Variants in MACROD2 observed in about 807,000 individuals in gnomAD.
MACROD2 encodes the protein ADP-ribose glycohydrolase MACROD2.
In MACROD2, 36 loss-of-function variants were observed where a neutral mutation model predicts 70.4. The observed-to-expected ratio is 0.51, with a 90% confidence interval of 0.39 to 0.68. The LOEUF (loss-of-function observed/expected upper bound fraction) is 0.68, where lower values mean the gene tolerates loss of function less well. MACROD2 is among the 30% of genes least tolerant of loss of function. The pLI is 0.00. For missense variants in MACROD2, 496 were observed against 538.4 expected (o/e 0.92, Z 0.78); for synonymous variants, 172 against 178.8 (o/e 0.96, Z 0.30).
At chr20:15,720,498 A>G (rs537859563) in intron 8 of MACROD2, among the ~76,000 whole-genome samples, 6 of 152,206 alleles carry the variant, frequency 3.9e-5, no homozygotes, top group Non-Finnish European at 2.9e-5. Flanking sequence ...CCAGGGTTTC[A>G]ATTGATAGAA....
At chr20:14,142,628 T>G (rs939040173) in intron 3 of MACROD2, among the ~76,000 whole-genome samples, 1 of 152,204 alleles carries the variant, frequency 6.6e-6, no homozygotes, top group African/African-American at 2.4e-5. Context: ...ATTGATTGCT[T>G]TAAAAAATTT....
chr20:15,599,249 G>A (rs570421055), intron 8 of MACROD2, among the ~76,000 whole-genome samples: 17 of 151,972 alleles, frequency 1.1e-4, no homozygotes, highest in East Asian at 7.7e-4. Context: ...AAAATTAGCC[G>A]GGCATGGTGG....
chr20:14,268,261 T>C (rs1308170270), intron 3 of MACROD2, among the ~76,000 whole-genome samples: 2 of 152,134 alleles, frequency 1.3e-5, no homozygotes, highest in Admixed American at 1.3e-4. Context: ...CTGACACTGA[T>C]TCTTCAGTAT....
intron 5 of MACROD2, among the ~76,000 whole-genome samples, chr20:14,878,826 G>A (rs2073579306): frequency 6.6e-6 from 1 of 152,040 alleles, no homozygotes; most frequent in Admixed American, 6.6e-5. Flanking sequence ...CACTCTTCCA[G>A]TTCAAAGGCC....
intron 5 of MACROD2, among the ~76,000 whole-genome samples, chr20:14,831,624 A>G (rs941506919): frequency 6.6e-6 from 1 of 151,504 alleles, no homozygotes; most frequent in African/African-American, 2.4e-5. Context: ...ACTAAAAAAT[A>G]CAAACAATAG....
At chr20:15,739,429 C>A (rs1006100853) in intron 8 of MACROD2, among the ~76,000 whole-genome samples, 1 of 152,038 alleles carries the variant, frequency 6.6e-6, no homozygotes, top group African/African-American at 2.4e-5. Flanking sequence ...CAGACTCAGG[C>A]CACATTTAAA....
chr20:14,725,990 C>A (rs1421575663), intron 5 of MACROD2, among the ~76,000 whole-genome samples: 1 of 152,158 alleles, frequency 6.6e-6, no homozygotes, highest in African/African-American at 2.4e-5. Flanking sequence ...CCTTACGTGA[C>A]TGGCTCTCAT....
intron 4 of MACROD2, among the ~76,000 whole-genome samples, chr20:14,637,705 T>C (rs1368019470): frequency 1.3e-5 from 2 of 152,204 alleles, no homozygotes; most frequent in Admixed American, 1.3e-4. Flanking sequence ...TACATCCATT[T>C]TTAAATGTTG....
intron 4 of MACROD2, among the ~76,000 whole-genome samples, chr20:14,648,266 A>T (rs1985499896): frequency 6.6e-6 from 1 of 152,204 alleles, no homozygotes; most frequent in African/African-American, 2.4e-5. Context: ...AGAGTGGGTC[A>T]CTATTCTACA....
chr20:15,454,564 C>T (rs1359840299), intron 7 of MACROD2, among the ~76,000 whole-genome samples: 1 of 152,034 alleles, frequency 6.6e-6, no homozygotes, highest in Non-Finnish European at 1.5e-5. Flanking sequence ...GTCTCATTTA[C>T]CCATCACACA....
At chr20:14,656,596 A>G (rs564322639) in intron 4 of MACROD2, among the ~76,000 whole-genome samples, 2 of 152,306 alleles carry the variant, frequency 1.3e-5, no homozygotes, top group South Asian at 2.1e-4. Context: ...TGGAGAAAAC[A>G]CTATTCATAT....
chr20:15,419,912 CTG>C (rs2046204956), intron 6 of MACROD2, among the ~76,000 whole-genome samples: 1 of 152,234 alleles, frequency 6.6e-6, no homozygotes, highest in African/African-American at 2.4e-5. Context: ...TATTGCCCAA[CTG>C]ATTTGCCGTT....
At chr20:15,860,729 G>A (rs557087179) in intron 8 of MACROD2, among the ~76,000 whole-genome samples, 27 of 152,198 alleles carry the variant, frequency 1.8e-4, no homozygotes, top group African/African-American at 6.5e-4. Context: ...TAGGTCTTCA[G>A]TCAATTCCCT....
At chr20:15,304,872 T>C (rs1182603497) in intron 6 of MACROD2, among the ~76,000 whole-genome samples, 2 of 152,256 alleles carry the variant, frequency 1.3e-5, no homozygotes, top group Non-Finnish European at 2.9e-5. Flanking sequence ...CTGTGTGCCC[T>C]CATGGCAACT....
intron 3 of MACROD2, among the ~76,000 whole-genome samples, chr20:14,461,944 A>G (rs113880953): frequency 0.016 from 2,419 of 152,114 alleles, 70 homozygotes; most frequent in African/African-American, 0.054. Context: ...GCTGCAAGAA[A>G]CATACGTGTG....
At chr20:15,188,473 G>GT (rs1412105209) in intron 5 of MACROD2, among the ~76,000 whole-genome samples, 3 of 152,288 alleles carry the variant, frequency 2.0e-5, no homozygotes, top group East Asian at 3.9e-4. Flanking sequence ...AGGGCCCTCT[G>GT]TTTTTTGTGC....
At chr20:14,714,856 A>G (rs2123670577) in intron 5 of MACROD2, among the ~76,000 whole-genome samples, 1 of 152,288 alleles carries the variant, frequency 6.6e-6, no homozygotes, top group East Asian at 1.9e-4. Flanking sequence ...TTCACCACTT[A>G]TCTAATAGTT....
At chr20:14,869,041 G>T (rs2073458917) in intron 5 of MACROD2, among the ~76,000 whole-genome samples, 1 of 152,004 alleles carries the variant, frequency 6.6e-6, no homozygotes, top group Admixed American at 6.6e-5. Context: ...AGCACTAAAA[G>T]GTCACAACAG....
intron 5 of MACROD2, among the ~76,000 whole-genome samples, chr20:14,926,140 T>G (rs946551162): frequency 6.6e-6 from 1 of 152,176 alleles, no homozygotes; most frequent in Admixed American, 6.5e-5. Context: ...TGTTGCCATC[T>G]TCACACTTTT....
Sources: gnomAD v4.1 joint callset for allele counts (sites outside exome capture counted in the v4.1 genomes callset) on GRCh38, gnomAD v4.1.1 for gene constraint, MANE v1.5 for transcripts, NCBI Gene and HGNC (gene_info 2026-07-23, HGNC 2026-07-21) for gene names.